Variants in SUPT3H observed in about 807,000 individuals in gnomAD.
SUPT3H encodes SPT3 homolog, SAGA and STAGA complex component.
In SUPT3H, 44 loss-of-function variants were observed where a neutral mutation model predicts 44.3. That is an observed-to-expected ratio of 0.99 (90% CI 0.78 to 1.28). The LOEUF (loss-of-function observed/expected upper bound fraction) is 1.28, where lower values mean the gene tolerates loss of function less well. SUPT3H is among the 50% of genes most tolerant of loss of function. SUPT3H has a pLI of 0.00. For missense variants in SUPT3H, 380 were observed against 387.1 expected, an observed-to-expected ratio of 0.98 and a Z score of 0.15; for synonymous variants, 124 against 125.6, an observed-to-expected ratio of 0.99 and a Z score of 0.09.
chr6:45,066,965 TA>T (rs1463871409), intron 3 of SUPT3H, among the ~76,000 whole-genome samples: 76 of 145,742 alleles, frequency 5.2e-4, no homozygotes, highest in South Asian at 5.0e-3. Context: ...AAAACTACTT[TA>T]AAGTTCATAT....
At chr6:45,002,696 AGTAATTGATACCTAAAAGAACAC>A (rs1288866449) in intron 6 of SUPT3H, among the ~76,000 whole-genome samples, 1 of 152,084 alleles carries the variant, frequency 6.6e-6, no homozygotes, top group African/African-American at 2.4e-5. Flanking sequence ...ACATTTCTAA[AGTAATTGATACCTAAAAGAACAC>A]TGCCTTTAGA....
chr6:45,284,434 T>C (rs969994878), intron 2 of SUPT3H, among the ~76,000 whole-genome samples: 3 of 151,958 alleles, frequency 2.0e-5, no homozygotes, highest in Non-Finnish European at 2.9e-5. Context: ...CCCACAGAAA[T>C]ACAAACTATC....
chr6:45,296,193 C>T (rs562422157), intron 2 of SUPT3H, among the ~76,000 whole-genome samples: 55 of 138,368 alleles, frequency 4.0e-4, no homozygotes, highest in African/African-American at 1.4e-3. Flanking sequence ...ACTACACACA[C>T]ACACACACAC....
At chr6:44,953,459 T>A in intron 8 of SUPT3H, 42 bp from the exon 9 acceptor site, 3 of 1,523,988 alleles carry the variant, frequency 2.0e-6, no homozygotes, top group Non-Finnish European at 2.7e-6. Context: ...CTAGAAATAA[T>A]CATGAATGCC....
chr6:45,126,653 G>T (rs891763406), intron 2 of SUPT3H, among the ~76,000 whole-genome samples: 2 of 152,142 alleles, frequency 1.3e-5, no homozygotes, highest in South Asian at 4.1e-4. Flanking sequence ...CAGTGTTAGC[G>T]ATGTAAGGAT....
chr6:45,358,700 T>C (rs1008036748), intron 2 of SUPT3H, among the ~76,000 whole-genome samples: 3 of 152,182 alleles, frequency 2.0e-5, no homozygotes, highest in African/African-American at 7.2e-5. Context: ...ATCTGAAATA[T>C]GTATTGCAGA....
At chr6:45,144,494 G>A (rs534769453) in intron 2 of SUPT3H, among the ~76,000 whole-genome samples, 2 of 152,102 alleles carry the variant, frequency 1.3e-5, no homozygotes, top group African/African-American at 2.4e-5. Flanking sequence ...TGACATAGAG[G>A]TGACACACTT....
At chr6:44,976,484 C>G (rs571071547) in intron 6 of SUPT3H, among the ~76,000 whole-genome samples, 53 of 151,952 alleles carry the variant, frequency 3.5e-4, no homozygotes, top group Non-Finnish European at 6.8e-4. Flanking sequence ...GCCTCAGCGT[C>G]CCGAATAGCT....
chr6:45,094,928 C>T (rs1036014638), intron 3 of SUPT3H, among the ~76,000 whole-genome samples: 2 of 152,062 alleles, frequency 1.3e-5, no homozygotes, highest in Non-Finnish European at 2.9e-5. Context: ...CAACTCTGTA[C>T]GCATATGTGA....
intron 2 of SUPT3H, among the ~76,000 whole-genome samples, chr6:45,197,001 G>GA (rs982929318): frequency 2.7e-5 from 4 of 149,806 alleles, no homozygotes; most frequent in East Asian, 3.9e-4. Context: ...CTGAGGAGAA[G>GA]AAAAAAAAAT....
At chr6:45,116,676 G>C (rs1320457269) in intron 2 of SUPT3H, among the ~76,000 whole-genome samples, 8 of 152,006 alleles carry the variant, frequency 5.3e-5, no homozygotes, top group Non-Finnish European at 1.2e-4. Flanking sequence ...TAAAGGTCTG[G>C]TTTTGTTTTG....
At chr6:45,020,442 A>G (rs1203527242) in intron 4 of SUPT3H, 104 bp downstream of exon 4, 4 of 791,098 alleles carry the variant, frequency 5.1e-6, no homozygotes, top group Non-Finnish European at 8.0e-6. Flanking sequence ...TTCAATAGTT[A>G]TTATTTTAAT....
chr6:45,122,785 T>A (rs998351029), intron 2 of SUPT3H, among the ~76,000 whole-genome samples: 1 of 152,186 alleles, frequency 6.6e-6, no homozygotes, highest in African/African-American at 2.4e-5. Flanking sequence ...TAAGTTTATA[T>A]CATACTGAAA....
At chr6:45,285,258 G>C (rs1779011268) in intron 2 of SUPT3H, among the ~76,000 whole-genome samples, 2 of 151,890 alleles carry the variant, frequency 1.3e-5, no homozygotes, top group African/African-American at 4.8e-5. Context: ...TCAGGCAGGA[G>C]AAGGAAATAA....
chr6:45,005,253 T>A (rs1401408466), intron 5 of SUPT3H, among the ~76,000 whole-genome samples: 13 of 152,174 alleles, frequency 8.5e-5, no homozygotes, highest in Admixed American at 8.5e-4. Context: ...TGTTTTCCCA[T>A]ATGTTTGTTA....
intron 6 of SUPT3H, among the ~76,000 whole-genome samples, chr6:44,967,072 G>A (rs1013780420): frequency 6.6e-6 from 1 of 152,188 alleles, no homozygotes; most frequent in Non-Finnish European, 1.5e-5. Flanking sequence ...AACATACTTA[G>A]AGGATTTTAG....
intron 8 of SUPT3H, among the ~76,000 whole-genome samples, 164 bp downstream of exon 8, chr6:44,954,331 A>T (rs1423784035): frequency 1.3e-5 from 2 of 152,224 alleles, no homozygotes; most frequent in Admixed American, 6.5e-5. Context: ...GAGGATGCAG[A>T]GACACATAAC....
At chr6:45,229,838 T>C (rs1003025277) in intron 2 of SUPT3H, among the ~76,000 whole-genome samples, 6 of 152,210 alleles carry the variant, frequency 3.9e-5, no homozygotes, top group African/African-American at 1.2e-4. Flanking sequence ...TGTACAGGTA[T>C]CAAGTCCTCT....
chr6:45,040,718 AAC>A (rs1435445784), intron 3 of SUPT3H, among the ~76,000 whole-genome samples: 1 of 152,250 alleles, frequency 6.6e-6, no homozygotes, highest in Non-Finnish European at 1.5e-5. Context: ...CCTGTTGAAT[AAC>A]AGAGAAGCCC....
Sources: allele counts gnomAD v4.1 joint callset (sites outside exome capture counted in the v4.1 genomes callset), GRCh38; gene constraint gnomAD v4.1.1; transcripts MANE v1.5; gene names NCBI Gene and HGNC (gene_info 2026-07-23, HGNC 2026-07-21).